Variants in HABP4 observed in about 807,000 individuals in gnomAD.
HABP4 encodes intracellular hyaluronan-binding protein 4.
In HABP4, 32 loss-of-function variants were observed where a neutral mutation model predicts 44.1. The observed-to-expected ratio is 0.73, with a 90% confidence interval of 0.55 to 0.97. The LOEUF is 0.97. Among genes scored for constraint, HABP4 ranks in the 50% least tolerant of loss-of-function variants. HABP4 has a pLI of 0.00. For missense variants in HABP4, 503 were observed against 561.9 expected, an observed-to-expected ratio of 0.90 and a Z score of 1.06; for synonymous variants, 216 against 218.0, an observed-to-expected ratio of 0.99 and a Z score of 0.08.
intron 6 of HABP4, among the ~76,000 whole-genome samples, chr9:96,485,202 G>A (rs1378281309): frequency 2.0e-5 from 3 of 152,116 alleles, no homozygotes; most frequent in Admixed American, 1.3e-4. Context: ...ACAGGCATGC[G>A]CCACCACCCC....
intron 1 of HABP4, among the ~76,000 whole-genome samples, chr9:96,457,756 A>G (rs1475009002): frequency 6.6e-6 from 1 of 152,022 alleles, no homozygotes; most frequent in Non-Finnish European, 1.5e-5. Flanking sequence ...TAATTCCAGC[A>G]TCTTGGGAGG....
At chr9:96,464,142 C>T (rs933575876) in intron 2 of HABP4, among the ~76,000 whole-genome samples, 6 of 152,026 alleles carry the variant, frequency 3.9e-5, no homozygotes, top group Non-Finnish European at 7.4e-5. Context: ...TGGGCTCTCG[C>T]TCGTATTGTG....
chr9:96,475,085 C>T (rs1832760760), intron 5 of HABP4, among the ~76,000 whole-genome samples: 1 of 152,018 alleles, frequency 6.6e-6, no homozygotes, highest in Admixed American at 6.6e-5. Context: ...TTAAGAATAA[C>T]TCTAACATTG....
intron 1 of HABP4, among the ~76,000 whole-genome samples, chr9:96,453,270 A>G (rs188282473): frequency 1.3e-5 from 2 of 151,800 alleles, no homozygotes; most frequent in East Asian, 3.9e-4. Context: ...TGGGTTCACT[A>G]TGTTCATGTT....
rs34565527 is a variant in HABP4 at position 96,465,367 on chromosome 9, G to A, written c.543G>A (p.Pro181=). The part of the protein sequence containing the change: ...KPGDRFDRDR[P]LRGRGGPRGG... ...GTGATAGGTTTGATCGAGACAGACCGTTGAGAGGACGTGGAGGCCCGAGAG... is the reference window on the plus strand; with the variant it reads ...GTGATAGGTTTGATCGAGACAGACCATTGAGAGGACGTGGAGGCCCGAGAG... The change falls in exon 3 of 8, where the codon CCG becomes CCA. Residue 181 remains proline, a synonymous_variant. Transcript: ENST00000375249. The A allele has an allele frequency of 4.4e-3, 7,114 of 1,610,558 alleles. 291 individuals are homozygous for A. The African/African-American group carries it at 0.086, about 19-fold the overall frequency.
intron 1 of HABP4, among the ~76,000 whole-genome samples, chr9:96,457,193 G>A (rs1418114176): frequency 1.3e-5 from 2 of 152,012 alleles, no homozygotes; most frequent in Non-Finnish European, 2.9e-5. Flanking sequence ...TTAGAGAAAC[G>A]TCGTCTCTAC....
At chr9:96,455,723 G>A (rs1832362740) in intron 1 of HABP4, among the ~76,000 whole-genome samples, 1 of 151,264 alleles carries the variant, frequency 6.6e-6, no homozygotes. Context: ...CCGAGATGGT[G>A]CCATGGCAGT....
At chr9:96,468,808 T>C (rs1248714642) in intron 4 of HABP4, among the ~76,000 whole-genome samples, 1 of 152,254 alleles carries the variant, frequency 6.6e-6, no homozygotes, top group African/African-American at 2.4e-5. Context: ...ACTTCATACA[T>C]TTCTTTATAA....
At position 96,484,298 on chromosome 9, in the gene HABP4, A is replaced by G. The variant is rs1408164658; in HGVS notation, c.828-164A>G. On this transcript the variant is annotated intron_variant, in intron 5 of 7. Coordinates refer to ENST00000375249, the MANE Select transcript of HABP4 (RefSeq NM_014282.4). ...GCAGTGATGACATAAAATGTTGAAA[A>G]TGAAATATGGAAGCTTGTGAGTCAA... is the stretch of plus-strand genomic sequence containing the variant. The G allele has an allele frequency of 1.3e-5, 7 of 539,178 alleles. No individual in the cohort carries two copies. In the Admixed American group the frequency reaches 1.8e-4, roughly 14 times the overall value. 33.4% of individuals were successfully genotyped at this position (539,178 alleles called of 1,614,324 possible). A position where few individuals can be genotyped will look rare whatever the true frequency, so the allele number is the denominator to read the frequency against.
intron 1 of HABP4, among the ~76,000 whole-genome samples, chr9:96,457,390 G>T (rs1004084570): frequency 3.3e-5 from 5 of 152,106 alleles, no homozygotes; most frequent in African/African-American, 1.2e-4. Flanking sequence ...CCAGCACAGT[G>T]TCCAAGTGCT....
chr9:96,467,228 A>G (rs1263627366), intron 4 of HABP4, among the ~76,000 whole-genome samples: 1 of 152,080 alleles, frequency 6.6e-6, no homozygotes, highest in Non-Finnish European at 1.5e-5. Context: ...TGGCCAGAAT[A>G]TAAGCTTTTT....
intron 5 of HABP4, among the ~76,000 whole-genome samples, chr9:96,474,400 T>C (rs1009428759): frequency 6.6e-6 from 1 of 152,242 alleles, no homozygotes; most frequent in Non-Finnish European, 1.5e-5. Context: ...GAGTAAATTA[T>C]AGTATTGTTC....
chr9:96,473,214 T>C (rs1832725181), intron 5 of HABP4, among the ~76,000 whole-genome samples: 1 of 152,228 alleles, frequency 6.6e-6, no homozygotes, highest in Admixed American at 6.5e-5. Context: ...ATCTGCCTAC[T>C]GGACACTTTC....
At chr9:96,458,603 C>CTTTCTT (rs1189646554) in intron 2 of HABP4, 62 bp downstream of exon 2, 3 of 986,778 alleles carry the variant, frequency 3.0e-6, no homozygotes, top group Non-Finnish European at 3.1e-6. Flanking sequence ...GAAAATGCTA[C>CTTTCTT]TTTCTTTTTC....
chr9:96,458,385 A>T lies in HABP4; in HGVS notation c.356A>T (p.Lys119Met), dbSNP rs1832437473. 1 of 1,614,042 alleles carries T rather than the reference A, an allele frequency of 6.2e-7. No individual in the cohort carries two copies. Among genetic ancestry groups the T allele is most frequent in the African/African-American group, 1.3e-5 (1 of 75,030 alleles). ...TTTGATTTTCTGTTGGTAGGCCAGAAGCGGACTCCTAGAAGAGGGGAGCAG... is the reference window on the plus strand; with the variant it reads ...TTTGATTTTCTGTTGGTAGGCCAGATGCGGACTCCTAGAAGAGGGGAGCAG... The part of the protein sequence containing the change: ...PGGGLQAPGQ[K>M]RTPRRGEQQG... The change falls in exon 2 of 8, where the codon AAG (lysine) becomes ATG (methionine). Residue 119 changes from lysine to methionine, a missense_variant. Lys to Met is a moderately conservative substitution (Grantham distance 95). Coordinates refer to ENST00000375249, the MANE Select transcript of HABP4 (RefSeq NM_014282.4).
Position 96,488,058 on chromosome 9 carries a change from G to A in HABP4, c.1000-31G>A. The A allele has an allele frequency of 6.6e-7, 1 of 1,517,294 alleles. No homozygotes were observed. The highest frequency in any genetic ancestry group is 9.1e-7 in the Non-Finnish European group (1 of 1,094,620). 94.0% of individuals were successfully genotyped at this position (1,517,294 alleles called of 1,614,324 possible). A position where few individuals can be genotyped will look rare whatever the true frequency, so the allele number is the denominator to read the frequency against. On this transcript the variant is annotated intron_variant, in intron 6 of 7. Transcript: ENST00000375249. This position sits in a 1 kb window ranked among gnomAD's most constrained non-coding sequence, Gnocchi z 4.6. ...TGAGTGTGGGGATGGCTGTGGACTT[G>A]TGCGTGTTTGATGCTGTAATTGTGT...
chr9:96,481,912 A>ACCATCACCACCATC (rs1409592592), intron 5 of HABP4, among the ~76,000 whole-genome samples: 1 of 151,570 alleles, frequency 6.6e-6, no homozygotes. Context: ...ATTGTGTGTA[A>ACCATCACCACCATC]CCATCACCAC....
At chr9:96,481,355 G>T (rs1226120374) in intron 5 of HABP4, among the ~76,000 whole-genome samples, 1 of 152,052 alleles carries the variant, frequency 6.6e-6, no homozygotes, top group African/African-American at 2.4e-5. Flanking sequence ...GCCTCCCAAA[G>T]TGCTGGGATT....
chr9:96,490,049 T>C lies in HABP4; in HGVS notation c.*11T>C. ...CCTGCGCTGTCTTGAAAGAGCCCTG[T>C]TTCCCAGCACCGCGGAGCTGCACTG... On this transcript the variant is annotated 3_prime_UTR_variant, in exon 8 of 8. Coordinates refer to ENST00000375249, the MANE Select transcript of HABP4 (RefSeq NM_014282.4). 6.4e-7 allele frequency: 1 copy of C among 1,570,574 alleles called. No individual in the cohort carries two copies.
Sources: gnomAD v4.1 joint callset for allele counts (sites outside exome capture counted in the v4.1 genomes callset) on GRCh38, gnomAD v4.1.1 for gene constraint, Gnocchi (gnomAD v3.1) non-coding constraint, MANE v1.5 for transcripts, NCBI Gene and HGNC (gene_info 2026-07-23, HGNC 2026-07-21) for gene names.